The following SPAG9 variants were observed in gnomAD, a reference collection of about 807,000 sequenced individuals.
SPAG9 encodes the protein C-Jun-amino-terminal kinase-interacting protein 4.
A neutral mutation model predicts 166.5 loss-of-function variants in SPAG9; 35 were observed. The ratio of observed to expected loss-of-function variants is 0.21; its 90% CI spans 0.16 to 0.28. The LOEUF is 0.28. Among genes scored for constraint, SPAG9 ranks in the 10% least tolerant of loss-of-function variants. The pLI, the probability that SPAG9 is intolerant of heterozygous loss-of-function variation, is 1.00. For synonymous variants in SPAG9, 534 were observed against 565.5 expected (o/e 0.94, Z 0.79); for missense variants, 1,235 against 1,603.3 (o/e 0.77, Z 3.92).
intron 1 of SPAG9, among the ~76,000 whole-genome samples, chr17:51,107,289 C>A (rs1568094605): frequency 1.3e-5 from 2 of 152,154 alleles, no homozygotes; most frequent in East Asian, 1.9e-4. Context: ...TGGCTCACAC[C>A]TGCAATCCCA....
intron 4 of SPAG9, chr17:51,046,359 T>A: frequency 1.6e-6 from 1 of 628,132 alleles, no homozygotes. Context: ...TAAATTACTA[T>A]AAATTAGAAT....
intron 2 of SPAG9, among the ~76,000 whole-genome samples, chr17:51,075,489 T>G (rs991737013): frequency 6.6e-6 from 1 of 152,182 alleles, no homozygotes; most frequent in Non-Finnish European, 1.5e-5. Context: ...AATTACTTAA[T>G]GCACAAAAGG....
intron 28 of SPAG9, among the ~76,000 whole-genome samples, chr17:50,972,641 C>G (rs1014061960): frequency 8.5e-5 from 13 of 152,210 alleles, no homozygotes; most frequent in Non-Finnish European, 2.9e-5. Context: ...ACAGACTGCG[C>G]CTCCAGGAGC....
rs1200482513 is a variant in SPAG9 at position 50,965,233 on chromosome 17, T to C, written c.*1039A>G. The C allele has an allele frequency of 6.6e-6, 1 of 152,236 alleles. No individual in the cohort carries two copies. The highest frequency in any genetic ancestry group is 1.5e-5 in the Non-Finnish European group (1 of 68,084). The allele number at this position is 152,236 out of a possible 1,614,324, so 9.4% of individuals were successfully genotyped here. ...TTATTCACGTACAAAATACCAAGTA[T>C]ATAGCTGTTCTGCAGTTTGATACAG... is the stretch of plus-strand genomic sequence containing the variant. On this transcript the variant is annotated 3_prime_UTR_variant, in exon 30 of 30. Transcript: ENST00000262013.
At chr17:51,094,915 A>T (rs1197636119) in intron 1 of SPAG9, among the ~76,000 whole-genome samples, 1 of 152,232 alleles carries the variant, frequency 6.6e-6, no homozygotes, top group African/African-American at 2.4e-5. Context: ...GAAACTGAAT[A>T]GGCAATTCAC....
At chr17:50,970,986 C>A in intron 28 of SPAG9, 130 bp from the exon 29 acceptor site, 1 of 716,270 alleles carries the variant, frequency 1.4e-6, no homozygotes. Context: ...ACTGGGGAAG[C>A]TAGAAGGCTC....
chr17:51,093,694 CAAAAAAAAAA>C (rs57010523), intron 1 of SPAG9, among the ~76,000 whole-genome samples: 1 of 72,558 alleles, frequency 1.4e-5, no homozygotes, highest in African/African-American at 5.5e-5. Context: ...GACTCCGTCT[CAAAAAAAAAA>C]AAAAAAAAAA....
chr17:50,985,990 CAT>C (rs1483967274), intron 22 of SPAG9, among the ~76,000 whole-genome samples: 2 of 152,214 alleles, frequency 1.3e-5, no homozygotes, highest in African/African-American at 2.4e-5. Flanking sequence ...CAAAGAAAAA[CAT>C]ATGAAGACTG....
In SPAG9 at chr17:50,986,964, T is replaced by C. The variant is rs955941315; in HGVS notation, c.2939+148A>G. The C allele has an allele frequency of 5.9e-6, 4 of 679,708 alleles. No individual in the cohort carries two copies. In the African/African-American group the frequency reaches 7.5e-5, roughly 13 times the overall value. The allele number at this position is 679,708 out of a possible 1,614,324, so 42.1% of individuals were successfully genotyped here. On this transcript the variant is annotated intron_variant, in intron 22 of 29. Coordinates refer to ENST00000262013, the MANE Select transcript of SPAG9 (RefSeq NM_001130528.3). ...GTGCAAGTCCAGTTTATGTGGTAGT[T>C]GCAACATAACATCAAATTGTGTGTA...
intron 18 of SPAG9, 70 bp downstream of exon 18, chr17:50,994,987 G>T: frequency 7.9e-7 from 1 of 1,261,492 alleles, no homozygotes; most frequent in Non-Finnish European, 1.1e-6. Flanking sequence ...GGACCCAGAG[G>T]CAAATTTTGG....
intron 12 of SPAG9, among the ~76,000 whole-genome samples, chr17:51,002,749 C>T (rs553253562): frequency 6.6e-6 from 1 of 151,530 alleles, no homozygotes; most frequent in Non-Finnish European, 1.5e-5. Context: ...AGAGTGCAAT[C>T]CTGTCTTTAA....
In SPAG9 at chr17:50,965,861, C is replaced by T. The variant is rs1454165463; in HGVS notation, c.*411G>A. 6.0e-6 allele frequency: 1 copy of T among 166,240 alleles called. No individual in the cohort carries two copies. The highest frequency in any genetic ancestry group is 1.3e-5 in the Non-Finnish European group (1 of 75,064). 10.3% of individuals were successfully genotyped at this position (166,240 alleles called of 1,614,324 possible). On this transcript the variant is annotated 3_prime_UTR_variant, in exon 30 of 30. Coordinates refer to ENST00000262013, the MANE Select transcript of SPAG9 (RefSeq NM_001130528.3). ...CAATTTTACAATACACTGGGGAAAA[C>T]TCAGCTATTGTATTTAACGGTACAG...
chr17:51,046,474 G>A, intron 4 of SPAG9: 5 of 1,493,792 alleles, frequency 3.3e-6, no homozygotes, highest in Non-Finnish European at 4.5e-6. Context: ...CAGCTAAGCA[G>A]GGGCTTCTAA....
rs369669612 is a variant in SPAG9, at chr17:50,998,660, A to G, written c.1665-43T>C. 68 of 1,554,676 alleles carry G rather than the reference A, an allele frequency of 4.4e-5. No homozygotes were observed. The African/African-American group carries it at 7.7e-4, about 18-fold the overall frequency. ...GTCTGTGTGTCACATGTACTATGAG[A>G]AACAATCCTTGATTTTCCACAAACT... On this transcript the variant is annotated intron_variant, in intron 14 of 29. Transcript: ENST00000262013.
rs1973315031 is a variant in SPAG9, at chr17:50,965,476, GA to G, written c.*795del. 1 of 152,128 alleles carries G rather than the reference GA, an allele frequency of 6.6e-6. No individual in the cohort carries two copies. The highest frequency in any genetic ancestry group is 2.4e-5 in the African/African-American group (1 of 41,428). 9.4% of individuals were successfully genotyped at this position (152,128 alleles called of 1,614,324 possible). A position where few individuals can be genotyped will look rare whatever the true frequency, so the allele number is the denominator to read the frequency against. On this transcript the variant is annotated 3_prime_UTR_variant, in exon 30 of 30. Coordinates refer to ENST00000262013, the MANE Select transcript of SPAG9 (RefSeq NM_001130528.3). ...TCCTTTAAAAAATCCTCCCAGTGCT[GA>G]AGTATCTTCTAAGCTTCCCAGAGTA...
At chr17:51,068,449 T>C (rs993872125) in intron 2 of SPAG9, among the ~76,000 whole-genome samples, 1 of 152,182 alleles carries the variant, frequency 6.6e-6, no homozygotes, top group Non-Finnish European at 1.5e-5. Flanking sequence ...CGGTAGAAAC[T>C]TCTAGTGATC....
rs1380922079 is a variant in SPAG9, at chr17:50,990,675, A to C, written c.2399-7T>G. The C allele has an allele frequency of 6.2e-7, 1 of 1,610,048 alleles. No homozygotes were observed. Among genetic ancestry groups the C allele is most frequent in the Non-Finnish European group, 8.5e-7 (1 of 1,176,404 alleles). ...TAGTCTGTTTCTCGTGCACCTGAAAAATAAATCTTCTTGTAACAGCAAAGT... is the reference window on the plus strand; with the variant it reads ...TAGTCTGTTTCTCGTGCACCTGAAACATAAATCTTCTTGTAACAGCAAAGT... On this transcript the variant is annotated splice_polypyrimidine_tract_variant and splice_region_variant and intron_variant, in intron 19 of 29. Transcript: ENST00000262013.
intron 2 of SPAG9, among the ~76,000 whole-genome samples, chr17:51,067,456 C>CT (rs1266342047): frequency 6.6e-6 from 1 of 152,142 alleles, no homozygotes; most frequent in Non-Finnish European, 1.5e-5. Context: ...CCTCAAGTAC[C>CT]ATGAAGTTAA....
intron 15 of SPAG9, among the ~76,000 whole-genome samples, chr17:50,997,904 C>A (rs1229397213): frequency 6.6e-6 from 1 of 151,030 alleles, no homozygotes; most frequent in Admixed American, 6.6e-5. Context: ...GTTGTCATAC[C>A]AGCAAAAATG....
Sources: allele counts gnomAD v4.1 joint callset (sites outside exome capture counted in the v4.1 genomes callset), GRCh38; gene constraint gnomAD v4.1.1; transcripts MANE v1.5; gene names NCBI Gene and HGNC (gene_info 2026-07-23, HGNC 2026-07-21).